SQSTM1: variants seen among roughly 807,000 people sequenced by gnomAD.
The protein encoded by SQSTM1 is sequestosome 1.
In SQSTM1, 36 loss-of-function variants were observed where a neutral mutation model predicts 45.1. The ratio of observed to expected loss-of-function variants is 0.80; its 90% confidence interval spans 0.61 to 1.05. SQSTM1 has a LOEUF of 1.05. SQSTM1 is among the 50% of genes least tolerant of loss of function. The pLI, the probability that SQSTM1 is intolerant of heterozygous loss-of-function variation, is 0.00. For synonymous variants in SQSTM1, 290 were observed against 244.3 expected (o/e 1.19, Z -1.74); for missense variants, 617 against 607.1 (o/e 1.02, Z -0.17).
chr5:179,836,382 G>C (rs550096373), intron 7 of SQSTM1, 54 bp from the exon 8 acceptor site: 2 of 1,613,218 alleles, frequency 1.2e-6, no homozygotes, highest in South Asian at 1.1e-5. Flanking sequence ...ATGTGTTTCG[G>C]GTCACTCACA....
chr5:179,832,314 A>G (rs1471238558), intron 5 of SQSTM1, among the ~76,000 whole-genome samples: 1 of 152,184 alleles, frequency 6.6e-6, no homozygotes, highest in Non-Finnish European at 1.5e-5. Context: ...CTTTTGACAC[A>G]TTTAATTTCA....
intron 5 of SQSTM1, among the ~76,000 whole-genome samples, 181 bp from the exon 6 acceptor site, chr5:179,832,850 GA>G (rs1758300730): frequency 6.6e-6 from 1 of 152,054 alleles, no homozygotes; most frequent in Admixed American, 6.6e-5. Flanking sequence ...TTGCGGGGTC[GA>G]GCTGGGTAGA....
chr5:179,832,977 G>A (rs1208163331), intron 5 of SQSTM1, 55 bp from the exon 6 acceptor site: 2 of 1,580,954 alleles, frequency 1.3e-6, no homozygotes, highest in African/African-American at 2.7e-5. Context: ...GCTCCTGCTT[G>A]CAGGTGCATC....
chr5:179,814,537 G>A (rs891011516), upstream of SQSTM1, among the ~76,000 whole-genome samples: 2 of 152,162 alleles, frequency 1.3e-5, no homozygotes, highest in Non-Finnish European at 2.9e-5. Context: ...ACCCTTCAAG[G>A]GTCCCCTGGG....
chr5:179,811,794 G>A (rs6877064), intron 2 of SQSTM1: 133,430 of 152,130 alleles, frequency 0.88, 58,667 homozygotes, highest in African/African-American at 0.93. Flanking sequence ...CTTGGTCTCC[G>A]TGGCCTTTTC....
chr5:179,830,547 A>AT (rs34731542), intron 5 of SQSTM1, among the ~76,000 whole-genome samples: 35 of 139,990 alleles, frequency 2.5e-4, no homozygotes, highest in Non-Finnish European at 3.4e-4. Context: ...GTGCCTAGAT[A>AT]TTTTTTTTTT....
chr5:179,833,185 C>T lies in SQSTM1; in HGVS notation c.908C>T (p.Ala303Val), dbSNP rs143746604. The change falls in exon 6 of 8, where the codon GCC becomes GTC. Residue 303 changes from alanine (A) to valine (V), a missense_variant. Physicochemically the swap from Ala to Val is moderately conservative, Grantham distance 64. Transcript: ENST00000389805. ...AAGCCGGGTGGGAATGTTGAGGGCG[C>T]CACGCAGTCTCTGGCGGAGCAGATG... ...PSKPGGNVEG[A>V]TQSLAEQMRK... 83 of 1,613,670 alleles carry T rather than the reference C, an allele frequency of 5.1e-5. No individual in the cohort carries two copies. The African/African-American group carries it at 9.5e-4, about 18-fold the overall frequency.
At chr5:179,836,286 G>A in intron 7 of SQSTM1, 150 bp from the exon 8 acceptor site, 1 of 993,356 alleles carries the variant, frequency 1.0e-6, no homozygotes. Context: ...AGGGAAAGCA[G>A]GTCCACTGTG....
chr5:179,826,769 T>G (rs1338259061), intron 5 of SQSTM1, among the ~76,000 whole-genome samples: 2 of 151,618 alleles, frequency 1.3e-5, no homozygotes, highest in African/African-American at 2.4e-5. Context: ...CCTAGCTATT[T>G]TTTGTATTTT....
chr5:179,825,055 A>C (rs1757936882), intron 4 of SQSTM1, 91 bp from the exon 5 acceptor site: 1 of 1,337,890 alleles, frequency 7.5e-7, no homozygotes, highest in Non-Finnish European at 1.1e-6. Flanking sequence ...GTCACCCGGG[A>C]ACACAGGGAC....
chr5:179,833,866 A>G, intron 7 of SQSTM1, 84 bp downstream of exon 7: 5 of 1,374,392 alleles, frequency 3.6e-6, no homozygotes, highest in South Asian at 1.2e-5. Flanking sequence ...CGACACAAAC[A>G]GAAGGATGAG....
upstream of SQSTM1, among the ~76,000 whole-genome samples, chr5:179,816,131 C>T (rs77959699): frequency 0.011 from 1,699 of 152,218 alleles, 28 homozygotes; most frequent in African/African-American, 0.039. Context: ...GTTAGATCCT[C>T]AAAGGAGGAT....
At chr5:179,822,671 C>T (rs764944241) in intron 1 of SQSTM1, 5 of 433,630 alleles carry the variant, frequency 1.2e-5, no homozygotes, top group African/African-American at 2.0e-5. Context: ...AGGCAGCTGG[C>T]CCAAGGCTAA....
intron 7 of SQSTM1, among the ~76,000 whole-genome samples, chr5:179,834,248 GGGT>G (rs1758397885): frequency 9.6e-6 from 1 of 104,616 alleles, no homozygotes; most frequent in Non-Finnish European, 1.9e-5. Context: ...GGGGGGTGGG[GGGT>G]GGGGACAGCT....
Position 179,837,441 on chromosome 5 carries a change from G to C in SQSTM1, c.*848G>C, listed in dbSNP as rs142061446. On this transcript the variant is annotated 3_prime_UTR_variant, in exon 8 of 8. Coordinates refer to ENST00000389805, the MANE Select transcript of SQSTM1 (RefSeq NM_003900.5). ...CCAGTTATAAAGAGGTCACATAGTC[G>C]TGTGGGTCGAGGATTCTGTGCCTCC... is the stretch of plus-strand genomic sequence containing the variant. The C allele has an allele frequency of 1.2e-6, 2 of 1,610,634 alleles. No individual in the cohort carries two copies. Among genetic ancestry groups the C allele is most frequent in the South Asian group, 1.1e-5 (1 of 90,880 alleles).
upstream of SQSTM1, among the ~76,000 whole-genome samples, chr5:179,819,888 C>T (rs536686208): frequency 4.6e-5 from 7 of 152,340 alleles, no homozygotes; most frequent in South Asian, 1.2e-3. Context: ...GCCACTCTTG[C>T]CTCCCTCTGG....
At chr5:179,830,890 A>G (rs1469727068) in intron 5 of SQSTM1, among the ~76,000 whole-genome samples, 1 of 151,980 alleles carries the variant, frequency 6.6e-6, no homozygotes, top group Non-Finnish European at 1.5e-5. Flanking sequence ...TTTTGTAGAG[A>G]TGGGGTCTTG....
chr5:179,814,826 C>T (rs920987250), upstream of SQSTM1, among the ~76,000 whole-genome samples: 9 of 151,706 alleles, frequency 5.9e-5, no homozygotes, highest in South Asian at 6.3e-4. Context: ...GAGGCCGAGG[C>T]GGGAGGATCG....
intron 5 of SQSTM1, among the ~76,000 whole-genome samples, chr5:179,832,464 T>C (rs989432465): frequency 6.6e-6 from 1 of 152,220 alleles, no homozygotes; most frequent in Non-Finnish European, 1.5e-5. Context: ...AGCTCCGGCG[T>C]TGAGGTGTGC....
Sources: allele counts gnomAD v4.1 joint callset (sites outside exome capture counted in the v4.1 genomes callset), GRCh38; gene constraint gnomAD v4.1.1; transcripts MANE v1.5; gene names NCBI Gene and HGNC (gene_info 2026-07-23, HGNC 2026-07-21).